SAMD12: variants seen among roughly 807,000 people sequenced by gnomAD.
The protein encoded by SAMD12 is sterile alpha motif domain-containing protein 12.
In SAMD12, 9 loss-of-function variants were observed where a neutral mutation model predicts 15.0. That is an observed-to-expected ratio of 0.60 (90% CI 0.36 to 1.05). The LOEUF is 1.05. SAMD12 is among the 50% of genes least tolerant of loss of function. The pLI, the probability that SAMD12 is intolerant of heterozygous loss-of-function variation, is 0.01. For synonymous variants in SAMD12, 86 were observed against 90.1 expected (o/e 0.96, Z 0.25); for missense variants, 230 against 234.2 (o/e 0.98, Z 0.12).
At chr8:118,297,622 T>C (rs1814782930) in intron 4 of SAMD12, among the ~76,000 whole-genome samples, 1 of 152,206 alleles carries the variant, frequency 6.6e-6, no homozygotes, top group African/African-American at 2.4e-5. Context: ...TAAAAAAATT[T>C]TTTTGGTAGA....
chr8:118,614,009 G>T (rs1448721895), intron 1 of SAMD12, among the ~76,000 whole-genome samples: 1 of 152,192 alleles, frequency 6.6e-6, no homozygotes, highest in Non-Finnish European at 1.5e-5. Flanking sequence ...ATTTTAAGCT[G>T]AGGATGCCTT....
chr8:118,416,817 G>A (rs1447772198), intron 3 of SAMD12, among the ~76,000 whole-genome samples: 1 of 152,088 alleles, frequency 6.6e-6, no homozygotes, highest in East Asian at 1.9e-4. Flanking sequence ...TTTGCCATAT[G>A]TTATTTGTGA....
Position 118,425,505 on chromosome 8 carries a change from G to A in SAMD12, c.322+14327C>T, listed in dbSNP as rs551694641. On this transcript the variant is annotated intron_variant, in intron 3 of 3. Coordinates refer to ENST00000314727, the MANE Select transcript of SAMD12 (RefSeq NM_207506.3). ...AGCTTGGGCAGCCTAGCAGCACAGT[G>A]AGACTCCTACCCTGTCTAAGAAAGA... 1.4e-4 allele frequency among the ~76,000 whole-genome samples: 21 copies of A among 152,222 alleles called. No homozygotes were observed. In the South Asian group the frequency reaches 3.1e-3, roughly 23 times the overall value.
chr8:118,325,506 A>G (rs1816524394), intron 4 of SAMD12, among the ~76,000 whole-genome samples: 1 of 152,214 alleles, frequency 6.6e-6, no homozygotes, highest in African/African-American at 2.4e-5. Flanking sequence ...ACATATGTGT[A>G]CCTTGTAAAA....
chr8:118,409,654 G>C (rs1285586878), intron 3 of SAMD12, among the ~76,000 whole-genome samples: 2 of 152,156 alleles, frequency 1.3e-5, no homozygotes. Context: ...GGTGAAGGCA[G>C]TGTTGGCCAC....
At chr8:118,377,878 G>A (rs1320563516), downstream of SAMD12, 1 of 152,096 alleles carries the variant, frequency 6.6e-6, no homozygotes, top group Non-Finnish European at 1.5e-5. Context: ...CTATGCTTGT[G>A]GTTGAAGCTT....
intron 4 of SAMD12, among the ~76,000 whole-genome samples, chr8:118,305,175 A>T (rs13257501): frequency 9.0e-6 from 1 of 111,124 alleles, no homozygotes; most frequent in Non-Finnish European, 1.8e-5. Flanking sequence ...AAAAAAAAAA[A>T]GTCCAGTTCA....
chr8:118,206,072 C>T (rs752288848), intron 4 of SAMD12, among the ~76,000 whole-genome samples: 3 of 152,226 alleles, frequency 2.0e-5, no homozygotes, highest in Non-Finnish European at 4.4e-5. Flanking sequence ...AGAACCCTGA[C>T]ATTTTGATGA....
chr8:118,565,174 C>G (rs1826811796), intron 2 of SAMD12, among the ~76,000 whole-genome samples: 1 of 152,154 alleles, frequency 6.6e-6, no homozygotes, highest in African/African-American at 2.4e-5. Context: ...AAAGCCAAGA[C>G]CACACCAGCT....
At position 118,379,105 on chromosome 8, in the gene SAMD12, C is replaced by T. The variant is rs1819532410; in HGVS notation, c.*312G>A. ...GCAAAACAAAAATACAACAAAAACT[C>T]CACTTATATCACTGGTCATCGTAAC... On this transcript the variant is annotated 3_prime_UTR_variant, in exon 4 of 4. Transcript: ENST00000314727. The T allele has an allele frequency of 2.8e-6, 3 of 1,086,094 alleles. No homozygotes were observed. Among genetic ancestry groups the T allele is most frequent in the Admixed American group, 4.6e-5 (1 of 21,902 alleles). 67.3% of individuals were successfully genotyped at this position (1,086,094 alleles called of 1,614,324 possible).
chr8:118,527,326 T>C (rs928474172), intron 2 of SAMD12, among the ~76,000 whole-genome samples: 3 of 152,218 alleles, frequency 2.0e-5, no homozygotes, highest in Non-Finnish European at 2.9e-5. Context: ...AGAGGTAAAG[T>C]GTAGACACCA....
At chr8:118,471,088 C>G (rs1277862389) in intron 2 of SAMD12, among the ~76,000 whole-genome samples, 1 of 152,306 alleles carries the variant, frequency 6.6e-6, no homozygotes, top group Non-Finnish European at 1.5e-5. Context: ...TTATGTCTCT[C>G]AAATGAAATT....
intron 4 of SAMD12, among the ~76,000 whole-genome samples, chr8:118,222,026 C>T (rs1056550946): frequency 2.0e-5 from 3 of 151,872 alleles, no homozygotes; most frequent in African/African-American, 7.3e-5. Flanking sequence ...GTAATGAAGG[C>T]CCGAATCATG....
chr8:118,193,996 G>A (rs1369987420), exon 5 of SAMD12: 5 of 152,144 alleles, frequency 3.3e-5, no homozygotes, highest in African/African-American at 9.7e-5. Context: ...GAAAGAGGAG[G>A]TTTTGGTGAA....
At chr8:118,155,096 AATAT>A in the SAMD12 span, among the ~76,000 whole-genome samples, 1 of 151,904 alleles carries the variant, frequency 6.6e-6, no homozygotes, top group Non-Finnish European at 1.5e-5. Context: ...TTTAATTCTG[AATAT>A]ATATATATGT....
At chr8:118,266,746 T>A (rs1813209381) in intron 4 of SAMD12, among the ~76,000 whole-genome samples, 1 of 152,040 alleles carries the variant, frequency 6.6e-6, no homozygotes, top group Admixed American at 6.6e-5. Flanking sequence ...GAAAGATAAA[T>A]ACTGCATGAT....
intron 4 of SAMD12, among the ~76,000 whole-genome samples, chr8:118,308,452 C>T (rs926729594): frequency 2.6e-5 from 4 of 152,164 alleles, no homozygotes; most frequent in African/African-American, 9.7e-5. Context: ...CTGCTTCACT[C>T]CCATTTTGCA....
intron 1 of SAMD12, among the ~76,000 whole-genome samples, chr8:118,607,502 C>T (rs565232419): frequency 2.5e-4 from 38 of 152,174 alleles, no homozygotes; most frequent in Admixed American, 6.5e-4. Flanking sequence ...TCCCAAAGTG[C>T]TGGGATTACA....
chr8:118,603,363 T>A (rs1827906498), intron 1 of SAMD12, among the ~76,000 whole-genome samples: 1 of 152,128 alleles, frequency 6.6e-6, no homozygotes, highest in African/African-American at 2.4e-5. Flanking sequence ...GAGAAAAGAT[T>A]CAATAATTTC....
Sources: gnomAD v4.1 joint callset for allele counts (sites outside exome capture counted in the v4.1 genomes callset) on GRCh38, gnomAD v4.1.1 for gene constraint, MANE v1.5 for transcripts, NCBI Gene and HGNC (gene_info 2026-07-23, HGNC 2026-07-21) for gene names.